CLHC1: variants seen among roughly 807,000 people sequenced by gnomAD.
The protein encoded by CLHC1 is clathrin heavy chain linker domain containing 1.
A neutral mutation model predicts 69.5 loss-of-function variants in CLHC1; 72 were observed. The ratio of observed to expected loss-of-function variants is 1.04; its 90% CI spans 0.86 to 1.26. The LOEUF is 1.26. CLHC1 is among the 50% of genes most tolerant of loss of function. The probability of loss-of-function intolerance (pLI) is 0.00; values close to 1 mark genes in which losing one functional copy is unlikely to be tolerated. For synonymous variants in CLHC1, 223 were observed against 224.3 expected (o/e 0.99, Z 0.05); for missense variants, 790 against 679.3 (o/e 1.16, Z -1.81).
rs141981706 is a variant in CLHC1, at chr2:55,209,406, T to C, written c.812A>G (p.Gln271Arg). 7 of 1,572,304 alleles carry C rather than the reference T, an allele frequency of 4.5e-6. No individual in the cohort carries two copies. In the Admixed American group the frequency reaches 1.3e-4, roughly 28 times the overall value. Reference sequence around the variant, plus strand: ...ATTTAAAAATATAGATAATCTACCTTGTAAATATTTGGTTTTCTGAATTTG... The same window carrying C: ...ATTTAAAAATATAGATAATCTACCTCGTAAATATTTGGTTTTCTGAATTTG... ...VEQIQKTKYL[Q>R]GDQGIVEELM... The change falls in exon 7 of 13, where the codon CAA (glutamine) becomes CGA (arginine). Residue 271 changes from glutamine (Q) to arginine (R), a missense_variant and splice_region_variant. Physicochemically the swap from Gln to Arg is conservative, Grantham distance 43. Transcript: ENST00000401408.
At position 55,175,373 on chromosome 2, in the gene CLHC1, T is replaced by G. The variant is rs1669290050; in HGVS notation, c.*417A>C. ...CAGCAAGTCCAACCTTGAAATGATT[T>G]CCTGCTTTTCTGGTCAAGTCAGGCT... On this transcript the variant is annotated 3_prime_UTR_variant, in exon 13 of 13. Coordinates refer to ENST00000401408, the MANE Select transcript of CLHC1 (RefSeq NM_152385.4). The G allele has an allele frequency of 6.4e-6, 1 of 156,434 alleles. No individual in the cohort carries two copies. Among genetic ancestry groups the G allele is most frequent in the Non-Finnish European group, 1.4e-5 (1 of 70,890 alleles). The allele number at this position is 156,434 out of a possible 1,614,324, so 9.7% of individuals were successfully genotyped here. A position where few individuals can be genotyped will look rare whatever the true frequency, so the allele number is the denominator to read the frequency against.
chr2:55,188,626 T>G (rs922260369), intron 9 of CLHC1, among the ~76,000 whole-genome samples: 1 of 152,176 alleles, frequency 6.6e-6, no homozygotes, highest in Non-Finnish European at 1.5e-5. Flanking sequence ...TTTACATACA[T>G]GCACCAGGAT....
chr2:55,205,103 G>C (rs1672312016), intron 9 of CLHC1, among the ~76,000 whole-genome samples: 1 of 152,068 alleles, frequency 6.6e-6, no homozygotes, highest in African/African-American at 2.4e-5. Flanking sequence ...TTAATAAAAA[G>C]TCAAAAGGCA....
At chr2:55,213,299 G>A (rs1241895287) in intron 4 of CLHC1, among the ~76,000 whole-genome samples, 1 of 152,174 alleles carries the variant, frequency 6.6e-6, no homozygotes, top group African/African-American at 2.4e-5. Flanking sequence ...CAGCCTTGGG[G>A]CTGCAGGCAT....
Position 55,180,497 on chromosome 2 carries a change from C to T in CLHC1, c.1384+13G>A. The stretch of plus-strand genomic sequence containing the variant: ...AATTCAAATGTATACAAATGGCAGA[C>T]TTTTTAACTTACCGGTAGTAAAGTC... On this transcript the variant is annotated intron_variant, in intron 11 of 12. Coordinates refer to ENST00000401408, the MANE Select transcript of CLHC1 (RefSeq NM_152385.4). The T allele has an allele frequency of 6.2e-7, 1 of 1,603,498 alleles. No individual in the cohort carries two copies. Among genetic ancestry groups the T allele is most frequent in the Non-Finnish European group, 8.5e-7 (1 of 1,170,812 alleles).
intron 9 of CLHC1, among the ~76,000 whole-genome samples, chr2:55,184,171 T>C (rs571333788): frequency 1.3e-5 from 2 of 148,342 alleles, no homozygotes; most frequent in Non-Finnish European, 3.0e-5. Flanking sequence ...AGTGGCACGA[T>C]CACGGCTCAC....
In CLHC1 at chr2:55,174,022, A is replaced by G. The variant is rs1401793642; in HGVS notation, c.*1768T>C. On this transcript the variant is annotated 3_prime_UTR_variant, in exon 13 of 13. Coordinates refer to ENST00000401408, the MANE Select transcript of CLHC1 (RefSeq NM_152385.4). ...ATATAGGTCTCAAAGGAAAAAAAAA[A>G]AAAAAAAGGTTTTAAGCCGTTGGCA... Among the ~76,000 whole-genome samples, 2 of 152,204 alleles carry G rather than the reference A, an allele frequency of 1.3e-5. No individual in the cohort carries two copies. The highest frequency in any genetic ancestry group is 6.5e-5 in the Admixed American group (1 of 15,296).
At position 55,222,586 on chromosome 2, in the gene CLHC1, CCTAT is replaced by C. The variant is rs572068164; in HGVS notation, c.-82-97_-82-94del. 1.7e-3 allele frequency: 905 copies of C among 521,502 alleles called. 2 individuals carry two copies. Among genetic ancestry groups the C allele is most frequent in the Middle Eastern group, 3.7e-3 (7 of 1,912 alleles). 32.3% of individuals were successfully genotyped at this position (521,502 alleles called of 1,614,324 possible). ...ATGTATTTTTTTTAGAAAAAAATTT[CCTAT>C]CTGTCTCTGTGATAAATACTTCAAC... On this transcript the variant is annotated intron_variant, in intron 2 of 12. Transcript: ENST00000401408.
chr2:55,204,698 G>C (rs1441038690), intron 9 of CLHC1, among the ~76,000 whole-genome samples: 2 of 152,156 alleles, frequency 1.3e-5, no homozygotes, highest in East Asian at 3.9e-4. Flanking sequence ...TCCATCAACA[G>C]ACAAATGGAA....
intron 2 of CLHC1, 88 bp from the exon 3 acceptor site, chr2:55,222,581 A>C (rs1203993485): frequency 7.5e-6 from 4 of 535,560 alleles, no homozygotes; most frequent in Non-Finnish European, 1.3e-5. Context: ...TTTAGAAAAA[A>C]ATTTCCTATC....
At position 55,204,209 on chromosome 2, in the gene CLHC1, G is replaced by C. The variant is rs1270577478; in HGVS notation, c.1006+2061C>G. On this transcript the variant is annotated intron_variant, in intron 9 of 12. Coordinates refer to ENST00000401408, the MANE Select transcript of CLHC1 (RefSeq NM_152385.4). ...TAAGGTAGGAGAATCACTTGGACCT[G>C]GGAGGCGGAGGTTGTGGTGAGCCGA... is the stretch of plus-strand genomic sequence containing the variant. 3.3e-5 allele frequency among the ~76,000 whole-genome samples: 5 copies of C among 152,152 alleles called. No homozygotes were observed. In the South Asian group the frequency reaches 8.3e-4, roughly 25 times the overall value.
At position 55,217,779 on chromosome 2, in the gene CLHC1, C is replaced by T. The variant is rs1319788131; in HGVS notation, c.365+32G>A. 5.1e-6 allele frequency: 7 copies of T among 1,381,958 alleles called. No individual in the cohort carries two copies. In the Admixed American group the frequency reaches 1.0e-4, roughly 20 times the overall value. 85.6% of individuals were successfully genotyped at this position (1,381,958 alleles called of 1,614,324 possible). On this transcript the variant is annotated intron_variant, in intron 4 of 12. Coordinates refer to ENST00000401408, the MANE Select transcript of CLHC1 (RefSeq NM_152385.4). The stretch of plus-strand genomic sequence containing the variant: ...AGTTATTATAATCAAGCAACAACTA[C>T]CATCTTTTGGGCTAGTTACTAAAAT...
chr2:55,194,853 C>CTGTG (rs149131693), intron 9 of CLHC1, among the ~76,000 whole-genome samples: 1 of 151,352 alleles, frequency 6.6e-6, no homozygotes, highest in South Asian at 2.1e-4. Context: ...TCCATTACCT[C>CTGTG]TGTGTGTGTG....
chr2:55,184,885 A>T, intron 9 of CLHC1, among the ~76,000 whole-genome samples: 1 of 149,646 alleles, frequency 6.7e-6, no homozygotes, highest in Non-Finnish European at 1.5e-5. Context: ...AGCCTGGGTG[A>T]CAGACTGAGA....
intron 3 of CLHC1, 134 bp from the exon 4 acceptor site, chr2:55,218,132 C>T (rs1338994812): frequency 2.1e-6 from 1 of 479,120 alleles, no homozygotes; most frequent in African/African-American, 2.0e-5. Flanking sequence ...AACTCTACAG[C>T]AAGCTCAAAC....
At position 55,181,569 on chromosome 2, in the gene CLHC1, C is replaced by T; in HGVS notation, c.1181+1G>A. On this transcript the variant is annotated splice_donor_variant, in intron 10 of 12. Coordinates refer to ENST00000401408, the MANE Select transcript of CLHC1 (RefSeq NM_152385.4). LOFTEE classifies it high-confidence loss of function. ...TAAGTTAAAAGCTTAACTTTGCTTACCTTTCCTGTGTAACCCAATTGGTAA... is the reference window on the plus strand; with the variant it reads ...TAAGTTAAAAGCTTAACTTTGCTTATCTTTCCTGTGTAACCCAATTGGTAA... 6.3e-7 allele frequency: 1 copy of T among 1,592,778 alleles called. No homozygotes were observed. The highest frequency in any genetic ancestry group is 8.5e-7 in the Non-Finnish European group (1 of 1,172,434).
In CLHC1 at chr2:55,174,350, A is replaced by AT. The variant is rs1669197787; in HGVS notation, c.*1439dup. ...GCAACCCTAATACAAGTGTGGACAG[A>AT]TAACTTAATCTCAGCAATAAGTTGT... is the stretch of plus-strand genomic sequence containing the variant. On this transcript the variant is annotated 3_prime_UTR_variant, in exon 13 of 13. Coordinates refer to ENST00000401408, the MANE Select transcript of CLHC1 (RefSeq NM_152385.4). 6.6e-6 allele frequency among the ~76,000 whole-genome samples: 1 copy of AT among 152,254 alleles called. No homozygotes were observed. The highest frequency in any genetic ancestry group is 2.4e-5 in the African/African-American group (1 of 41,466).
intron 2 of CLHC1, chr2:55,224,258 G>A: frequency 2.8e-6 from 1 of 353,180 alleles, no homozygotes; most frequent in South Asian, 2.2e-5. Flanking sequence ...TAATGTACTT[G>A]ATTCCACAGT....
At chr2:55,185,001 G>A (rs1365380324) in intron 9 of CLHC1, among the ~76,000 whole-genome samples, 2 of 145,600 alleles carry the variant, frequency 1.4e-5, no homozygotes, top group Non-Finnish European at 3.0e-5. Context: ...CAAGATTCAC[G>A]ACAATTCAAT....
Sources: gnomAD v4.1 joint callset for allele counts (sites outside exome capture counted in the v4.1 genomes callset) on GRCh38, gnomAD v4.1.1 for gene constraint, MANE v1.5 for transcripts, NCBI Gene and HGNC (gene_info 2026-07-23, HGNC 2026-07-21) for gene names.